Variants in DDX46 observed in about 807,000 individuals in gnomAD.
The protein encoded by DDX46 is DEAD-box helicase 46, also known as probable ATP-dependent RNA helicase DDX46.
In DDX46, 30 loss-of-function variants were observed where a neutral mutation model predicts 134.9. That is an observed-to-expected ratio of 0.22 (90% confidence interval 0.17 to 0.30). The LOEUF is 0.30. Among genes scored for constraint, DDX46 ranks in the 10% least tolerant of loss-of-function variants. DDX46 has a pLI of 1.00. For synonymous variants in DDX46, 415 were observed against 404.1 expected (o/e 1.03, Z -0.32); for missense variants, 622 against 1,248.7 (o/e 0.50, Z 7.56).
At chr5:134,809,247 G>GTA (rs1321809222) in intron 16 of DDX46, among the ~76,000 whole-genome samples, 3 of 152,066 alleles carry the variant, frequency 2.0e-5, no homozygotes, top group Admixed American at 2.0e-4. Flanking sequence ...CTCCTTCTCT[G>GTA]TATATATATG....
intron 21 of DDX46, among the ~76,000 whole-genome samples, chr5:134,820,120 C>G (rs1178044089): frequency 6.6e-6 from 1 of 151,934 alleles, no homozygotes; most frequent in South Asian, 2.1e-4. Flanking sequence ...CGGGGTTTCA[C>G]CATGCTGGCC....
At chr5:134,815,635 A>T (rs1363262372) in intron 18 of DDX46, among the ~76,000 whole-genome samples, 2 of 131,216 alleles carry the variant, frequency 1.5e-5, no homozygotes, top group African/African-American at 2.9e-5. Flanking sequence ...TGAACCTGGG[A>T]GGCGGATCTT....
intron 3 of DDX46, among the ~76,000 whole-genome samples, chr5:134,767,674 G>A (rs1054006208): frequency 6.6e-6 from 1 of 151,674 alleles, no homozygotes; most frequent in African/African-American, 2.4e-5. Flanking sequence ...AATTAGGCCA[G>A]GCGCGGTGGC....
chr5:134,803,325 A>G (rs1261880970), intron 15 of DDX46, among the ~76,000 whole-genome samples: 1 of 151,270 alleles, frequency 6.6e-6, no homozygotes, highest in Non-Finnish European at 1.5e-5. Flanking sequence ...TTTTCATCCC[A>G]ACTGCTTAGA....
At chr5:134,781,760 G>A (rs1204724422) in intron 7 of DDX46, among the ~76,000 whole-genome samples, 161 bp from the exon 8 acceptor site, 3 of 152,160 alleles carry the variant, frequency 2.0e-5, no homozygotes, top group Admixed American at 6.5e-5. Flanking sequence ...TAAGTGTGCT[G>A]GAGCACTATA....
chr5:134,780,166 GTA>G, intron 6 of DDX46, among the ~76,000 whole-genome samples: 1 of 148,550 alleles, frequency 6.7e-6, no homozygotes, highest in African/African-American at 2.5e-5. Context: ...ATGTATATGT[GTA>G]TATGTATATG....
chr5:134,767,282 TCTTA>T (rs545088582), intron 3 of DDX46, among the ~76,000 whole-genome samples: 34 of 152,302 alleles, frequency 2.2e-4, no homozygotes, highest in Admixed American at 1.4e-3. Context: ...TACATTGTAT[TCTTA>T]CTTAATACAT....
At chr5:134,804,307 A>G (rs960624813) in intron 15 of DDX46, among the ~76,000 whole-genome samples, 1 of 152,158 alleles carries the variant, frequency 6.6e-6, no homozygotes, top group Non-Finnish European at 1.5e-5. Flanking sequence ...TCTCTCTAGT[A>G]TGTAGGGTTT....
At chr5:134,775,993 C>G (rs1753922646) in intron 5 of DDX46, among the ~76,000 whole-genome samples, 1 of 152,212 alleles carries the variant, frequency 6.6e-6, no homozygotes, top group Non-Finnish European at 1.5e-5. Context: ...TACCTGCTTA[C>G]TGTTCACCAA....
At chr5:134,780,155 CATGTAT>C (rs1754095269) in intron 6 of DDX46, among the ~76,000 whole-genome samples, 1 of 132,328 alleles carries the variant, frequency 7.6e-6, no homozygotes. Flanking sequence ...TATATATGTG[CATGTAT>C]ATGTGTATAT....
chr5:134,828,117 C>T (rs980360283), intron 22 of DDX46, among the ~76,000 whole-genome samples: 5 of 152,158 alleles, frequency 3.3e-5, no homozygotes, highest in Admixed American at 3.3e-4. Context: ...GTCCTTGTGT[C>T]TTTAGTGCCA....
intron 19 of DDX46, 21 bp from the exon 20 acceptor site, chr5:134,817,475 C>G: frequency 1.9e-6 from 3 of 1,606,920 alleles, no homozygotes; most frequent in South Asian, 2.2e-5. Context: ...TGAGATTTAA[C>G]TAAGTCTTCT....
At chr5:134,791,589 T>C (rs1371979687) in intron 13 of DDX46, among the ~76,000 whole-genome samples, 1 of 151,982 alleles carries the variant, frequency 6.6e-6, no homozygotes, top group Non-Finnish European at 1.5e-5. Flanking sequence ...TAGAAGGTTT[T>C]CTTAAGAAGA....
rs569989357 is a variant in DDX46, at chr5:134,811,995, A to G, written c.2436+150A>G. 5 of 737,118 alleles carry G rather than the reference A, an allele frequency of 6.8e-6. No homozygotes were observed. The East Asian group carries it at 1.2e-4, about 17-fold the overall frequency. The allele number at this position is 737,118 out of a possible 1,614,324, so 45.7% of individuals were successfully genotyped here. ...CAGTTTTGGAAAATCTGCCTACTAC[A>G]TACCAGTACCCCTCCTCTCAATATA... is the stretch of plus-strand genomic sequence containing the variant. On this transcript the variant is annotated intron_variant, in intron 18 of 22. Coordinates refer to ENST00000452510, the MANE Select transcript of DDX46 (RefSeq NM_001300860.2).
intron 6 of DDX46, chr5:134,777,941 A>G (rs1299730537): frequency 2.3e-6 from 1 of 444,078 alleles, no homozygotes; most frequent in African/African-American, 2.1e-5. Flanking sequence ...CCATCAACTT[A>G]GTTTGATATC....
intron 15 of DDX46, among the ~76,000 whole-genome samples, chr5:134,807,392 C>T (rs1485945231): frequency 6.6e-6 from 1 of 152,112 alleles, no homozygotes; most frequent in African/African-American, 2.4e-5. Context: ...TAGCAAGGCT[C>T]TAAATAACCT....
In DDX46 at chr5:134,811,701, G is replaced by A. The variant is rs748188954; in HGVS notation, c.2292G>A (p.Gly764=). Residue 764 remains glycine, a synonymous_variant, in exon 18 of 23, where the codon GGG becomes GGA. Transcript: ENST00000452510. ...TCGTTTTCTTTTTTTGAAAGGAGGG[G>A]AAAATAATTAAAAAGAGTAGTGGGT... The part of the protein sequence containing the change: ...SDFKDQQKAE[G]KIIKKSSGFS... 7.6e-6 allele frequency: 12 copies of A among 1,587,974 alleles called. No individual in the cohort carries two copies. In the East Asian group the frequency reaches 9.0e-5, roughly 12 times the overall value.
Position 134,758,816 on chromosome 5 carries a change from T to A in DDX46, c.-123T>A. The A allele has an allele frequency of 1.4e-6, 2 of 1,474,438 alleles. No individual in the cohort carries two copies. The highest frequency in any genetic ancestry group is 1.7e-5 in the Admixed American group (1 of 57,256). 91.3% of individuals were successfully genotyped at this position (1,474,438 alleles called of 1,614,324 possible). A position where few individuals can be genotyped will look rare whatever the true frequency, so the allele number is the denominator to read the frequency against. On this transcript the variant is annotated 5_prime_UTR_variant, in exon 1 of 23. Transcript: ENST00000452510. Reference sequence around the variant, plus strand: ...GCCGCGCTGGGATGGCCGCCACAGCTGTAGGTGCTGCTAGTGTTTAGCGCT... The same window carrying A: ...GCCGCGCTGGGATGGCCGCCACAGCAGTAGGTGCTGCTAGTGTTTAGCGCT...
At chr5:134,784,942 G>A (rs141947593) in intron 10 of DDX46, among the ~76,000 whole-genome samples, 1 of 152,324 alleles carries the variant, frequency 6.6e-6, no homozygotes, top group Non-Finnish European at 1.5e-5. Context: ...TATAATGCCA[G>A]CATTTCATTC....
Sources: gnomAD v4.1 joint callset for allele counts (sites outside exome capture counted in the v4.1 genomes callset) on GRCh38, gnomAD v4.1.1 for gene constraint, MANE v1.5 for transcripts, NCBI Gene and HGNC (gene_info 2026-07-23, HGNC 2026-07-21) for gene names.